The following SLC22A16 variants were observed in gnomAD, a reference collection of about 807,000 sequenced individuals.
The protein encoded by SLC22A16 is WUGSC:RG331P03.1.
SLC22A16 carries 53 observed loss-of-function variants against 52.9 expected under a neutral mutation model. The ratio of observed to expected loss-of-function variants is 1.00; its 90% CI spans 0.80 to 1.26. The LOEUF is 1.26. SLC22A16 is among the 50% of genes most tolerant of loss of function. The pLI, the probability that SLC22A16 is intolerant of heterozygous loss-of-function variation, is 0.00. For missense variants in SLC22A16, 726 were observed against 704.0 expected (o/e 1.03, Z -0.35); for synonymous variants, 291 against 268.8 (o/e 1.08, Z -0.81).
At chr6:110,470,452 T>C (rs1776220843) in intron 1 of SLC22A16, among the ~76,000 whole-genome samples, 1 of 152,080 alleles carries the variant, frequency 6.6e-6, no homozygotes, top group South Asian at 2.1e-4. Context: ...AAAGCTCAGG[T>C]TCTGAGCATG....
At chr6:110,458,954 A>G (rs1775768766) in intron 1 of SLC22A16, among the ~76,000 whole-genome samples, 1 of 152,056 alleles carries the variant, frequency 6.6e-6, no homozygotes, top group South Asian at 2.1e-4. Flanking sequence ...AGCCTTTATA[A>G]CCATGTAAGC....
At chr6:110,434,867 A>ACT (rs1774661248) in intron 6 of SLC22A16, among the ~76,000 whole-genome samples, 1 of 152,086 alleles carries the variant, frequency 6.6e-6, no homozygotes, top group South Asian at 2.1e-4. Flanking sequence ...AATCCCAGCT[A>ACT]CTCTGGAGGC....
At chr6:110,425,447 A>G (rs1774221251) in intron 7 of SLC22A16, 1 of 1,302,346 alleles carries the variant, frequency 7.7e-7, no homozygotes. Flanking sequence ...TGTGGAGAAG[A>G]CAAGTAACTG....
intron 1 of SLC22A16, among the ~76,000 whole-genome samples, chr6:110,460,163 AC>A (rs2115000635): frequency 6.6e-6 from 1 of 152,126 alleles, no homozygotes; most frequent in South Asian, 2.1e-4. Flanking sequence ...AGACCTGCCC[AC>A]CCCGCTGCAT....
chr6:110,457,854 A>C (rs1775725793), intron 1 of SLC22A16, among the ~76,000 whole-genome samples: 1 of 152,106 alleles, frequency 6.6e-6, no homozygotes, highest in South Asian at 2.1e-4. Flanking sequence ...AGTGCCAAAG[A>C]AAAGTACCCG....
chr6:110,432,383 C>G (rs1257541213), intron 6 of SLC22A16, among the ~76,000 whole-genome samples: 2 of 152,164 alleles, frequency 1.3e-5, no homozygotes, highest in Non-Finnish European at 2.9e-5. Flanking sequence ...CTATAATATT[C>G]ATAATTGCAA....
At chr6:110,459,191 C>T (rs1164700686) in intron 1 of SLC22A16, among the ~76,000 whole-genome samples, 5 of 152,102 alleles carry the variant, frequency 3.3e-5, no homozygotes, top group Non-Finnish European at 5.9e-5. Flanking sequence ...GTTTAATTCC[C>T]GCAATTTACT....
At chr6:110,472,727 A>G (rs568652180) in intron 1 of SLC22A16, among the ~76,000 whole-genome samples, 38 of 152,260 alleles carry the variant, frequency 2.5e-4, no homozygotes, top group African/African-American at 8.9e-4. Flanking sequence ...CAGAGGTGTC[A>G]TGCATGTACC....
At chr6:110,443,879 A>G (rs2114943382) in intron 3 of SLC22A16, among the ~76,000 whole-genome samples, 1 of 152,346 alleles carries the variant, frequency 6.6e-6, no homozygotes, top group East Asian at 1.9e-4. Context: ...GACAACTATC[A>G]TATGATTCCG....
intron 1 of SLC22A16, among the ~76,000 whole-genome samples, chr6:110,467,188 G>GT (rs890962260): frequency 2.6e-5 from 4 of 151,538 alleles, no homozygotes; most frequent in Admixed American, 6.6e-5. Context: ...CTCTCTCTGC[G>GT]TTTTTTTTCC....
intron 1 of SLC22A16, among the ~76,000 whole-genome samples, chr6:110,465,614 C>A (rs1020582857): frequency 6.6e-6 from 1 of 152,130 alleles, no homozygotes; most frequent in East Asian, 1.9e-4. Context: ...AGGAGAACTA[C>A]AAAACACTAA....
At chr6:110,462,175 C>G (rs192046499) in intron 1 of SLC22A16, among the ~76,000 whole-genome samples, 114 of 152,300 alleles carry the variant, frequency 7.5e-4, no homozygotes, top group South Asian at 3.3e-3. Context: ...CACCACATCC[C>G]TCCCACAACA....
At position 110,440,498 on chromosome 6, in the gene SLC22A16, C is replaced by T. The variant is rs374441051; in HGVS notation, c.1184-1651G>A. Among the ~76,000 whole-genome samples, 70 of 152,238 alleles carry T rather than the reference C, an allele frequency of 4.6e-4. No individual in the cohort carries two copies. The East Asian group carries it at 9.9e-3, about 21-fold the overall frequency. On this transcript the variant is annotated intron_variant, in intron 4 of 7. Coordinates refer to ENST00000368919, the MANE Select transcript of SLC22A16 (RefSeq NM_033125.4). Reference sequence around the variant, plus strand: ...GAGTTTTCAAAAAGGTCATGGACGGCGGGGTGCTGTGGCTCATGCCTGTAA... The same window carrying T: ...GAGTTTTCAAAAAGGTCATGGACGGTGGGGTGCTGTGGCTCATGCCTGTAA...
intron 4 of SLC22A16, chr6:110,439,904 T>C (rs1229242145): frequency 2.0e-5 from 3 of 152,192 alleles, no homozygotes; most frequent in African/African-American, 7.2e-5. Flanking sequence ...CTAACTAAAA[T>C]TTATAAATTA....
intron 1 of SLC22A16, among the ~76,000 whole-genome samples, chr6:110,461,330 AG>A (rs1775874712): frequency 6.6e-6 from 1 of 152,128 alleles, no homozygotes. Flanking sequence ...AAAAGAACTG[AG>A]GGTTATGAGT....
intron 5 of SLC22A16, 48 bp downstream of exon 5, chr6:110,438,671 TC>T (rs754941492): frequency 6.4e-7 from 1 of 1,571,582 alleles, no homozygotes; most frequent in Admixed American, 1.9e-5. Flanking sequence ...ATTCTTCCCA[TC>T]AAACTGTCAC....
Position 110,424,874 on chromosome 6 carries a change from T to A in SLC22A16, c.1733A>T (p.Ter578LeuextTer20). Residue 578 changes from the stop codon to leucine (L), a stop_lost, in exon 8 of 8, where the codon TAA (stop) becomes TTA (leucine). Transcript: ENST00000368919. ...ITPRDSGLGE* is the reference protein window; with the variant it reads ...ITPRDSGLGEL Reference sequence around the variant, plus strand: ...TGCTAGACAGCAGGCATGGCACATTTATTCACCAAGACCAGAATCCCTGGG... The same window carrying A: ...TGCTAGACAGCAGGCATGGCACATTAATTCACCAAGACCAGAATCCCTGGG... 6.2e-7 allele frequency: 1 copy of A among 1,614,184 alleles called. No homozygotes were observed. The highest frequency in any genetic ancestry group is 1.7e-5 in the Admixed American group (1 of 60,018).
At chr6:110,429,321 C>T (rs1261936488) in intron 7 of SLC22A16, among the ~76,000 whole-genome samples, 3 of 152,158 alleles carry the variant, frequency 2.0e-5, no homozygotes, top group Non-Finnish European at 4.4e-5. Flanking sequence ...CACATCCAAG[C>T]GCTTTACTGA....
chr6:110,474,955 A>G (rs758034387), intron 1 of SLC22A16: 3 of 518,980 alleles, frequency 5.8e-6, no homozygotes, highest in Non-Finnish European at 1.2e-5. Context: ...TGTAAGGATG[A>G]GAAACTGCAT....
Sources: gnomAD v4.1 joint callset for allele counts (sites outside exome capture counted in the v4.1 genomes callset) on GRCh38, gnomAD v4.1.1 for gene constraint, MANE v1.5 for transcripts, NCBI Gene and HGNC (gene_info 2026-07-23, HGNC 2026-07-21) for gene names.